DNAJC11: variants seen among roughly 807,000 people sequenced by gnomAD.
DNAJC11 encodes DnaJ heat shock protein family (Hsp40) member C11.
DNAJC11 carries 15 observed loss-of-function variants against 78.6 expected under a neutral mutation model. The observed-to-expected ratio is 0.19, with a 90% confidence interval of 0.13 to 0.29. The LOEUF is 0.29. Among genes scored for constraint, DNAJC11 ranks in the 10% least tolerant of loss-of-function variants. The probability of loss-of-function intolerance (pLI) is 1.00; values close to 1 mark genes in which losing one functional copy is unlikely to be tolerated. For synonymous variants in DNAJC11, 292 were observed against 272.1 expected (o/e 1.07, Z -0.72); for missense variants, 547 against 709.6 (o/e 0.77, Z 2.60).
chr1:6,695,627 T>TAAAAAAAAAAAAAAAAA (rs70984004), intron 1 of DNAJC11, among the ~76,000 whole-genome samples: 1 of 83,010 alleles, frequency 1.2e-5, no homozygotes, highest in African/African-American at 4.4e-5. Context: ...CTATCTCTAC[T>TAAAAAAAAAAAAAAAAA]AAAAAAAAAA....
intron 1 of DNAJC11, among the ~76,000 whole-genome samples, chr1:6,693,457 C>T (rs1024417503): frequency 2.6e-5 from 4 of 152,058 alleles, no homozygotes; most frequent in Admixed American, 1.3e-4. Flanking sequence ...GATCTTGCTT[C>T]ACTGCAAACT....
intron 15 of DNAJC11, 53 bp downstream of exon 15, chr1:6,636,064 C>T (rs1641761526): frequency 1.3e-6 from 2 of 1,576,458 alleles, no homozygotes; most frequent in South Asian, 1.2e-5. Context: ...TGAGCAGCCG[C>T]TTCGAGGTCC....
chr1:6,639,876 G>GACA (rs1394939521), intron 11 of DNAJC11, 26 bp downstream of exon 11: 1 of 1,606,794 alleles, frequency 6.2e-7, no homozygotes, highest in Admixed American at 1.7e-5. Flanking sequence ...GCTGGCTAGT[G>GACA]ACATGCCCAT....
chr1:6,693,787 C>A (rs146731082), intron 1 of DNAJC11, among the ~76,000 whole-genome samples: 144 of 152,028 alleles, frequency 9.5e-4, no homozygotes, highest in African/African-American at 3.3e-3. Flanking sequence ...CTCACTGCAG[C>A]CCCAAACTTC....
intron 10 of DNAJC11, among the ~76,000 whole-genome samples, chr1:6,642,924 C>G (rs1168984537): frequency 6.6e-6 from 1 of 152,116 alleles, no homozygotes; most frequent in Non-Finnish European, 1.5e-5. Flanking sequence ...AGCCATGAGG[C>G]TGGACATGAC....
chr1:6,665,170 C>A (rs200450), intron 4 of DNAJC11, among the ~76,000 whole-genome samples: 1 of 151,856 alleles, frequency 6.6e-6, no homozygotes, highest in Admixed American at 6.6e-5. Flanking sequence ...TGGGCTCGGG[C>A]AACCCTCCTT....
At chr1:6,684,082 T>C in intron 1 of DNAJC11, among the ~76,000 whole-genome samples, 1 of 151,908 alleles carries the variant, frequency 6.6e-6, no homozygotes, top group East Asian at 1.9e-4. Flanking sequence ...CAAATCATTT[T>C]CTTTTTTTTT....
intron 1 of DNAJC11, among the ~76,000 whole-genome samples, chr1:6,693,543 C>T (rs916327150): frequency 2.6e-5 from 4 of 151,958 alleles, no homozygotes; most frequent in African/African-American, 9.7e-5. Context: ...ACCACCACAC[C>T]CAGCTAGTTT....
chr1:6,701,582 G>A, intron 1 of DNAJC11, 147 bp downstream of exon 1: 1 of 745,770 alleles, frequency 1.3e-6, no homozygotes, highest in Non-Finnish European at 2.0e-6. Flanking sequence ...TCCATCGGGC[G>A]GCTGGCGTGC....
At chr1:6,646,043 C>T (rs1267595622) in intron 7 of DNAJC11, 65 bp from the exon 8 acceptor site, 2 of 1,538,032 alleles carry the variant, frequency 1.3e-6, no homozygotes, top group African/African-American at 1.4e-5. Flanking sequence ...CTGTTACTTC[C>T]TCTCTGCCTG....
In DNAJC11 at chr1:6,640,739, G is replaced by A. The variant is rs1570264678; in HGVS notation, c.1098-682C>T. Among the ~76,000 whole-genome samples, 3 of 152,236 alleles carry A rather than the reference G, an allele frequency of 2.0e-5. No individual in the cohort carries two copies. The East Asian group carries it at 5.8e-4, about 29-fold the overall frequency. ...CCCAGCTACTCGGGAGGCTGAGTGAGGCGGGAGAACGCTTCAACCCAGGAG... is the reference window on the plus strand; with the variant it reads ...CCCAGCTACTCGGGAGGCTGAGTGAAGCGGGAGAACGCTTCAACCCAGGAG... On this transcript the variant is annotated intron_variant, in intron 10 of 15. Transcript: ENST00000377577.
chr1:6,665,970 G>A (rs1359819850), intron 4 of DNAJC11, among the ~76,000 whole-genome samples: 1 of 152,192 alleles, frequency 6.6e-6, no homozygotes, highest in African/African-American at 2.4e-5. Context: ...GCACCTCGGA[G>A]ATTTTCAACT....
intron 1 of DNAJC11, among the ~76,000 whole-genome samples, chr1:6,686,135 T>C (rs536072140): frequency 7.9e-5 from 12 of 152,364 alleles, no homozygotes; most frequent in South Asian, 6.2e-4. Flanking sequence ...AGTTTTAATT[T>C]CTGACTAAAT....
At chr1:6,639,881 G>A (rs1396532374) in intron 11 of DNAJC11, 21 bp downstream of exon 11, 1 of 1,609,462 alleles carries the variant, frequency 6.2e-7, no homozygotes, top group African/African-American at 1.3e-5. Flanking sequence ...CTAGTGACAT[G>A]CCCATGACGT....
At chr1:6,651,491 A>C (rs750838372) in intron 7 of DNAJC11, 38 bp downstream of exon 7, 1 of 1,578,744 alleles carries the variant, frequency 6.3e-7, no homozygotes, top group African/African-American at 1.3e-5. Flanking sequence ...TAAGCCAACA[A>C]AGACCACCAA....
At position 6,655,878 on chromosome 1, in the gene DNAJC11, C is replaced by A. The variant is rs571938994; in HGVS notation, c.379-1839G>T. Among the ~76,000 whole-genome samples the A allele has an allele frequency of 2.0e-5, 3 of 151,770 alleles. No homozygotes were observed. In the East Asian group the frequency reaches 5.8e-4, roughly 29 times the overall value. On this transcript the variant is annotated intron_variant, in intron 4 of 15. Transcript: ENST00000377577. Reference sequence around the variant, plus strand: ...CAGCACTTTGGGAGGCCGAGGCAGGCGGCTCACGAAGTCAGGAGTTTGAGA... The same window carrying A: ...CAGCACTTTGGGAGGCCGAGGCAGGAGGCTCACGAAGTCAGGAGTTTGAGA...
chr1:6,651,435 A>G, intron 7 of DNAJC11, 94 bp downstream of exon 7: 1 of 1,111,628 alleles, frequency 9.0e-7, no homozygotes, highest in Middle Eastern at 2.0e-4. Flanking sequence ...GACAGACAAG[A>G]TAGTGCCAAC....
rs903793048 is a variant in DNAJC11, at chr1:6,653,419, A to C, written c.508-468T>G. ...CAATGGAGAATAAATTAATGAGCTG[A>C]GGAGACAAAGACCTACTATAAACGC... is the stretch of plus-strand genomic sequence containing the variant. On this transcript the variant is annotated intron_variant, in intron 5 of 15. Transcript: ENST00000377577. This position sits in a 1 kb window ranked among gnomAD's most constrained non-coding sequence, Gnocchi z 4.5. Among the ~76,000 whole-genome samples, 6 of 152,210 alleles carry C rather than the reference A, an allele frequency of 3.9e-5. No homozygotes were observed. Among genetic ancestry groups the C allele is most frequent in the African/African-American group, 1.4e-4 (6 of 41,452 alleles).
intron 10 of DNAJC11, among the ~76,000 whole-genome samples, chr1:6,644,284 C>A (rs1280310331): frequency 6.6e-6 from 1 of 152,124 alleles, no homozygotes; most frequent in Non-Finnish European, 1.5e-5. Context: ...TAGGCGTGTG[C>A]CACCACGTCT....
Sources: allele counts gnomAD v4.1 joint callset (sites outside exome capture counted in the v4.1 genomes callset), GRCh38; gene constraint gnomAD v4.1.1; non-coding constraint Gnocchi (gnomAD v3.1); transcripts MANE v1.5; gene names NCBI Gene and HGNC (gene_info 2026-07-23, HGNC 2026-07-21).